The following ULK4 variants were observed in gnomAD, a reference collection of about 807,000 sequenced individuals.
ULK4 encodes the protein inactive serine/threonine-protein kinase ULK4.
A neutral mutation model predicts 160.6 loss-of-function variants in ULK4; 133 were observed. That is an observed-to-expected ratio of 0.83 (90% CI 0.72 to 0.96). The LOEUF (loss-of-function observed/expected upper bound fraction) is 0.96. Among genes scored for constraint, ULK4 ranks in the 40% least tolerant of loss-of-function variants. The pLI is 0.00. For synonymous variants in ULK4, 534 were observed against 539.8 expected, an observed-to-expected ratio of 0.99 and a Z score of 0.15; for missense variants, 1,580 against 1,499.5, an observed-to-expected ratio of 1.05 and a Z score of -0.89.
intron 16 of ULK4, among the ~76,000 whole-genome samples, chr3:41,886,219 T>G (rs1697716170): frequency 6.6e-6 from 1 of 152,178 alleles, no homozygotes. Context: ...ATAACCCCCA[T>G]GAAGTTAATG....
intron 8 of ULK4, 108 bp downstream of exon 8, chr3:41,915,869 A>G: frequency 1.3e-6 from 1 of 748,282 alleles, no homozygotes; most frequent in South Asian, 1.8e-5. Context: ...TTAGAAGTAC[A>G]TAAAAGGGGG....
At chr3:41,773,302 G>C (rs573119355) in intron 21 of ULK4, among the ~76,000 whole-genome samples, 1 of 152,290 alleles carries the variant, frequency 6.6e-6, no homozygotes, top group South Asian at 2.1e-4. Context: ...CAGATGACTT[G>C]ACTGTATATC....
rs567556918 is a variant in ULK4, at chr3:41,388,969, A to G, written c.3678+9110T>C. 3.0e-4 allele frequency among the ~76,000 whole-genome samples: 46 copies of G among 151,994 alleles called. No individual in the cohort carries two copies. In the South Asian group the frequency reaches 7.9e-3, roughly 26 times the overall value. ...GAATCTGTAAATTACCTTGGGTATT[A>G]TGGCCATTTTCACGATATTGATTCT... On this transcript the variant is annotated intron_variant, in intron 35 of 36. Coordinates refer to ENST00000301831, the MANE Select transcript of ULK4 (RefSeq NM_017886.4).
intron 17 of ULK4, among the ~76,000 whole-genome samples, chr3:41,840,896 T>C (rs1182873761): frequency 6.7e-6 from 1 of 150,070 alleles, no homozygotes; most frequent in Non-Finnish European, 1.5e-5. Context: ...GAGGAGCGCC[T>C]CTGCCCTGCC....
At chr3:41,920,006 G>A (rs546281772) in intron 5 of ULK4, among the ~76,000 whole-genome samples, 188 bp from the exon 6 acceptor site, 2 of 152,224 alleles carry the variant, frequency 1.3e-5, no homozygotes, top group Admixed American at 6.5e-5. Flanking sequence ...AAGGATGTGT[G>A]TGAATATAAA....
intron 19 of ULK4, among the ~76,000 whole-genome samples, chr3:41,807,000 C>T (rs56183581): frequency 0.12 from 18,756 of 151,836 alleles, 1,315 homozygotes; most frequent in Middle Eastern, 0.26. Flanking sequence ...GCATGGTACA[C>T]GCCTATAGTC....
intron 35 of ULK4, among the ~76,000 whole-genome samples, chr3:41,286,821 A>G (rs2125699410): frequency 6.6e-6 from 1 of 152,266 alleles, no homozygotes; most frequent in African/African-American, 2.4e-5. Flanking sequence ...CTTGCTGTCA[A>G]AGTCGCTCTG....
chr3:41,531,448 G>T (rs1278348242), intron 32 of ULK4, among the ~76,000 whole-genome samples: 1 of 35,734 alleles, frequency 2.8e-5, no homozygotes, highest in Non-Finnish European at 5.3e-5. Flanking sequence ...CTCAAAAAGA[G>T]GGGAGGGGAG....
intron 27 of ULK4, among the ~76,000 whole-genome samples, chr3:41,693,015 T>C (rs1250791322): frequency 6.6e-6 from 1 of 152,230 alleles, no homozygotes; most frequent in African/African-American, 2.4e-5. Context: ...TAATAGTAAA[T>C]GCATTGGAAA....
At chr3:41,403,408 A>T (rs556454557) in intron 34 of ULK4, among the ~76,000 whole-genome samples, 1 of 152,268 alleles carries the variant, frequency 6.6e-6, no homozygotes, top group South Asian at 2.1e-4. Flanking sequence ...TTCCCTTATT[A>T]TTCTTTAAAT....
chr3:41,772,599 G>C (rs1486173574), intron 21 of ULK4, among the ~76,000 whole-genome samples: 1 of 152,144 alleles, frequency 6.6e-6, no homozygotes, highest in Admixed American at 6.6e-5. Flanking sequence ...ACCAAAAAAA[G>C]TCCAGGACCA....
chr3:41,473,947 T>A (rs1400678643), intron 32 of ULK4, among the ~76,000 whole-genome samples: 1 of 152,100 alleles, frequency 6.6e-6, no homozygotes, highest in Non-Finnish European at 1.5e-5. Flanking sequence ...AATGCAGCAA[T>A]CCCTAATAAA....
intron 12 of ULK4, 39 bp downstream of exon 12, chr3:41,907,806 A>G (rs759988664): frequency 7.5e-7 from 1 of 1,337,864 alleles, no homozygotes. Context: ...GTGAGCTTCT[A>G]CATCTTATGT....
intron 32 of ULK4, among the ~76,000 whole-genome samples, chr3:41,551,508 T>A (rs2700455): frequency 0.45 from 68,233 of 151,616 alleles, 16,041 homozygotes; most frequent in Middle Eastern, 0.54. Context: ...ACTAACAACC[T>A]GGAAAACCTA....
chr3:41,464,150 T>C (rs931829001), intron 32 of ULK4, among the ~76,000 whole-genome samples: 4 of 152,174 alleles, frequency 2.6e-5, no homozygotes, highest in East Asian at 1.9e-4. Flanking sequence ...AGATCATCAA[T>C]TGAATGGAAA....
chr3:41,956,692 C>T (rs1700496564), intron 1 of ULK4, among the ~76,000 whole-genome samples: 2 of 152,208 alleles, frequency 1.3e-5, no homozygotes, highest in African/African-American at 4.8e-5. Context: ...AATCCCTAGA[C>T]TGCAGGAGTC....
intron 31 of ULK4, among the ~76,000 whole-genome samples, chr3:41,570,038 T>A (rs539188382): frequency 1.3e-5 from 2 of 152,064 alleles, no homozygotes; most frequent in African/African-American, 4.8e-5. Flanking sequence ...CGTATCAGAG[T>A]GAGAACATGA....
At chr3:41,704,967 T>C in intron 27 of ULK4, 90 bp downstream of exon 27, 1 of 964,846 alleles carries the variant, frequency 1.0e-6, no homozygotes, top group Non-Finnish European at 1.5e-6. Flanking sequence ...GGAACACATA[T>C]GAGCCAAGCA....
chr3:41,353,015 T>G (rs2080942691), intron 35 of ULK4, among the ~76,000 whole-genome samples: 1 of 152,208 alleles, frequency 6.6e-6, no homozygotes, highest in Non-Finnish European at 1.5e-5. Flanking sequence ...TCCCCAGCCT[T>G]TACTCTACTG....
Sources: allele counts gnomAD v4.1 joint callset (sites outside exome capture counted in the v4.1 genomes callset), GRCh38; gene constraint gnomAD v4.1.1; transcripts MANE v1.5; gene names NCBI Gene and HGNC (gene_info 2026-07-23, HGNC 2026-07-21).